Variants in MTUS2 observed in about 807,000 individuals in gnomAD.
MTUS2 encodes the protein microtubule-associated tumor suppressor candidate 2.
In MTUS2, 40 loss-of-function variants were observed where a neutral mutation model predicts 114.1. The ratio of observed to expected loss-of-function variants is 0.35; its 90% CI spans 0.27 to 0.46. The LOEUF (loss-of-function observed/expected upper bound fraction) is 0.46, where lower values mean the gene tolerates loss of function less well. Ranked by LOEUF, MTUS2 falls within the 20% of genes least tolerant of loss-of-function variation. The probability of loss-of-function intolerance (pLI) is 1.00; values close to 1 mark genes in which losing one functional copy is unlikely to be tolerated. For synonymous variants in MTUS2, 688 were observed against 672.0 expected (o/e 1.02, Z -0.37); for missense variants, 1,679 against 1,705.4 (o/e 0.98, Z 0.27).
chr13:28,946,304 T>TGTGCAC (rs1179597309), intron 2 of MTUS2, among the ~76,000 whole-genome samples: 125 of 150,330 alleles, frequency 8.3e-4, no homozygotes, highest in African/African-American at 2.9e-3. Context: ...TGTGTGTGTG[T>TGTGCAC]GCGCGCGCAC....
chr13:29,367,000 A>G (rs1225078795), intron 8 of MTUS2, among the ~76,000 whole-genome samples: 3 of 152,150 alleles, frequency 2.0e-5, no homozygotes, highest in African/African-American at 4.8e-5. Flanking sequence ...ATCATCTCCA[A>G]TTCCAAAGAT....
chr13:29,373,384 A>G (rs1026784700), intron 8 of MTUS2, among the ~76,000 whole-genome samples: 10 of 152,206 alleles, frequency 6.6e-5, no homozygotes, highest in Non-Finnish European at 1.5e-4. Context: ...AGAGCAGGGT[A>G]ACTAAAGGCC....
intron 2 of MTUS2, among the ~76,000 whole-genome samples, chr13:28,915,691 G>A (rs536217229): frequency 5.3e-5 from 8 of 151,910 alleles, no homozygotes; most frequent in African/African-American, 1.9e-4. Flanking sequence ...ATATATTCTG[G>A]TTATTAATCC....
At chr13:29,383,936 CA>C (rs1872451971) in intron 8 of MTUS2, among the ~76,000 whole-genome samples, 1 of 149,478 alleles carries the variant, frequency 6.7e-6, no homozygotes, top group Admixed American at 6.8e-5. Context: ...ACTTACTCAG[CA>C]AAACATATAA....
intron 9 of MTUS2, among the ~76,000 whole-genome samples, chr13:29,470,137 C>T (rs1231290671): frequency 1.3e-5 from 2 of 152,170 alleles, no homozygotes; most frequent in African/African-American, 2.4e-5. Flanking sequence ...AAAAACACAA[C>T]TATTAACCTA....
chr13:29,462,040 C>T (rs558624020), intron 9 of MTUS2, among the ~76,000 whole-genome samples: 70 of 152,292 alleles, frequency 4.6e-4, no homozygotes, highest in Non-Finnish European at 8.2e-4. Flanking sequence ...TACAAAGGCC[C>T]TGAGGCTCTT....
intron 2 of MTUS2, among the ~76,000 whole-genome samples, chr13:28,845,908 A>G (rs990076130): frequency 6.6e-6 from 1 of 152,018 alleles, no homozygotes; most frequent in Non-Finnish European, 1.5e-5. Flanking sequence ...ACTCAATAAT[A>G]TAACAGTGCC....
At chr13:29,001,909 A>G (rs1449431899) in intron 2 of MTUS2, among the ~76,000 whole-genome samples, 1 of 152,218 alleles carries the variant, frequency 6.6e-6, no homozygotes, top group African/African-American at 2.4e-5. Flanking sequence ...AAGGGGCTAC[A>G]GCTAAGCATT....
chr13:29,365,457 C>A (rs1249811177), intron 8 of MTUS2, among the ~76,000 whole-genome samples: 1 of 149,692 alleles, frequency 6.7e-6, no homozygotes, highest in African/African-American at 2.5e-5. Flanking sequence ...CTAATTGCCC[C>A]ATTCAGCTCA....
intron 4 of MTUS2, among the ~76,000 whole-genome samples, chr13:29,035,949 A>G (rs902099162): frequency 6.6e-6 from 1 of 152,046 alleles, no homozygotes; most frequent in African/African-American, 2.4e-5. Flanking sequence ...GTTTGAGACC[A>G]GCCTGGCAAC....
At chr13:29,125,540 A>G (rs1027314423) in intron 5 of MTUS2, among the ~76,000 whole-genome samples, 15 of 152,226 alleles carry the variant, frequency 9.9e-5, no homozygotes, top group Non-Finnish European at 2.1e-4. Flanking sequence ...CACTTTGTCA[A>G]GAATATGCTG....
intron 2 of MTUS2, among the ~76,000 whole-genome samples, chr13:28,965,204 C>A (rs1347081948): frequency 6.6e-6 from 1 of 152,176 alleles, no homozygotes; most frequent in Non-Finnish European, 1.5e-5. Context: ...ATAGCCTCAT[C>A]GTATTTAGAG....
At chr13:29,001,598 C>T (rs1217224193) in intron 2 of MTUS2, among the ~76,000 whole-genome samples, 2 of 152,112 alleles carry the variant, frequency 1.3e-5, no homozygotes, top group African/African-American at 4.8e-5. Flanking sequence ...TAGCTTTGTG[C>T]AAGTTAAGCT....
chr13:28,904,055 C>G (rs139872905), intron 2 of MTUS2, among the ~76,000 whole-genome samples: 1 of 152,140 alleles, frequency 6.6e-6, no homozygotes. Flanking sequence ...GCATAAATGT[C>G]TTCTTTTGAG....
At chr13:29,311,271 C>T (rs944891554) in intron 6 of MTUS2, among the ~76,000 whole-genome samples, 5 of 152,268 alleles carry the variant, frequency 3.3e-5, no homozygotes, top group Admixed American at 6.5e-5. Context: ...AATGGAAAGG[C>T]GGGGTTGAGA....
intron 11 of MTUS2, 47 bp downstream of exon 11, chr13:29,488,052 C>G (rs924251664): frequency 7.0e-7 from 1 of 1,421,676 alleles, no homozygotes; most frequent in Non-Finnish European, 9.9e-7. Context: ...GTGGTGCAAT[C>G]CGAGCCTTTC....
At chr13:29,242,382 T>C (rs1359231237) in intron 5 of MTUS2, 3 of 180,028 alleles carry the variant, frequency 1.7e-5, no homozygotes, top group South Asian at 4.0e-4. Flanking sequence ...ATCTGTCTTG[T>C]AGCAGGTATC....
At position 29,497,316 on chromosome 13, in the gene MTUS2, A is replaced by C. The variant is rs1032847392; in HGVS notation, c.3658A>C (p.Asn1220His). The part of the protein sequence containing the change: ...ARRFEEALRK[N>H]TEEQLEIALA... ...CCGCTTCGAAGAGGCCTTGAGGAAG[A>C]ACACAGAGGAGCAGCTGGAGGTCGT... The change falls in exon 13 of 16, where the codon AAC becomes CAC. Residue 1220 changes from asparagine (N) to histidine (H), a missense_variant. Physicochemically the swap from Asn to His is moderately conservative, Grantham distance 68 (BLOSUM62 1). Transcript: ENST00000612955. The C allele has an allele frequency of 6.2e-7, 1 of 1,611,920 alleles. No individual in the cohort carries two copies. Among genetic ancestry groups the C allele is most frequent in the Non-Finnish European group, 8.5e-7 (1 of 1,179,840 alleles).
intron 6 of MTUS2, among the ~76,000 whole-genome samples, chr13:29,312,517 G>A (rs1406064476): frequency 5.3e-5 from 8 of 152,200 alleles, no homozygotes; most frequent in Non-Finnish European, 1.0e-4. Flanking sequence ...CGGGGAGAAT[G>A]TTAGCTTTAA....
Sources: allele counts gnomAD v4.1 joint callset (sites outside exome capture counted in the v4.1 genomes callset), GRCh38; gene constraint gnomAD v4.1.1; transcripts MANE v1.5; gene names NCBI Gene and HGNC (gene_info 2026-07-23, HGNC 2026-07-21).